RBFOX1: variants seen among roughly 807,000 people sequenced by gnomAD.
RBFOX1 encodes the protein RNA binding fox-1 homolog 1.
A neutral mutation model predicts 57.7 loss-of-function variants in RBFOX1; 8 were observed. The ratio of observed to expected loss-of-function variants is 0.14; its 90% CI spans 0.08 to 0.25. The LOEUF is 0.25. Among genes scored for constraint, RBFOX1 ranks in the 10% least tolerant of loss-of-function variants. The pLI, the probability that RBFOX1 is intolerant of heterozygous loss-of-function variation, is 1.00. For synonymous variants in RBFOX1, 326 were observed against 222.4 expected (o/e 1.47, Z -4.15); for missense variants, 611 against 548.5 (o/e 1.11, Z -1.14).
At chr16:7,103,554 A>G (rs1253046130) in intron 4 of RBFOX1, among the ~76,000 whole-genome samples, 2 of 152,152 alleles carry the variant, frequency 1.3e-5, no homozygotes, top group South Asian at 2.1e-4. Flanking sequence ...TATCAAATGT[A>G]TAGATAGATT....
At chr16:5,769,151 G>A (rs529981481) in intron 3 of RBFOX1, among the ~76,000 whole-genome samples, 6 of 152,176 alleles carry the variant, frequency 3.9e-5, no homozygotes, top group South Asian at 4.2e-4. Context: ...TAAACCTGAC[G>A]TTTTTTGATG....
chr16:7,052,431 CCTT>C (rs763687676), intron 4 of RBFOX1, among the ~76,000 whole-genome samples: 2 of 152,152 alleles, frequency 1.3e-5, no homozygotes, highest in Non-Finnish European at 2.9e-5. Flanking sequence ...TGGCTGGCTG[CCTT>C]CTTAATATGA....
chr16:7,042,234 A>G (rs990424611), intron 3 of RBFOX1, among the ~76,000 whole-genome samples: 1 of 152,230 alleles, frequency 6.6e-6, no homozygotes, highest in Admixed American at 6.5e-5. Context: ...TTGTCAGGGC[A>G]CAGTAGCTAA....
downstream of RBFOX1, among the ~76,000 whole-genome samples, chr16:5,604,530 G>A (rs908200963): frequency 2.6e-5 from 4 of 152,178 alleles, no homozygotes; most frequent in African/African-American, 9.7e-5. Context: ...TTTCCCGGGA[G>A]TGTCTCTCTA....
intron 2 of RBFOX1, among the ~76,000 whole-genome samples, chr16:6,335,830 A>T (rs1046387807): frequency 6.6e-6 from 1 of 150,698 alleles, no homozygotes; most frequent in African/African-American, 2.4e-5. Context: ...AAAATAAAAC[A>T]AAAAAATGGA....
At chr16:6,501,259 T>C (rs1192611374) in intron 2 of RBFOX1, among the ~76,000 whole-genome samples, 15 of 150,674 alleles carry the variant, frequency 1.0e-4, no homozygotes, top group African/African-American at 3.2e-4. Flanking sequence ...CATTTAGCAT[T>C]AGGTATATCT....
intron 2 of RBFOX1, among the ~76,000 whole-genome samples, chr16:6,463,693 A>C (rs575483754): frequency 6.6e-6 from 1 of 152,332 alleles, no homozygotes; most frequent in African/African-American, 2.4e-5. Flanking sequence ...TAGCTCTCTT[A>C]CAGCCATGTT....
chr16:6,749,535 C>G (rs955450012), intron 3 of RBFOX1, among the ~76,000 whole-genome samples: 3 of 152,140 alleles, frequency 2.0e-5, no homozygotes, highest in Non-Finnish European at 2.9e-5. Context: ...ACTAACCTGC[C>G]TTTGACTTCA....
intron 3 of RBFOX1, among the ~76,000 whole-genome samples, chr16:6,939,339 A>G (rs151068180): frequency 1.4e-3 from 219 of 152,062 alleles, no homozygotes; most frequent in African/African-American, 5.1e-3. Context: ...GTCACAAATA[A>G]TATATAAATT....
chr16:6,985,393 A>T (rs982851419), intron 3 of RBFOX1, among the ~76,000 whole-genome samples: 1 of 152,328 alleles, frequency 6.6e-6, no homozygotes, highest in South Asian at 2.1e-4. Context: ...GTATGGCTGG[A>T]CAAGGTGACT....
intron 3 of RBFOX1, among the ~76,000 whole-genome samples, chr16:5,773,354 G>A (rs2054041172): frequency 6.6e-6 from 1 of 152,190 alleles, no homozygotes; most frequent in South Asian, 2.1e-4. Flanking sequence ...GACTATGTCT[G>A]TGGCCATTCA....
At chr16:5,566,386 A>G (rs2046068247) in intron 2 of RBFOX1, among the ~76,000 whole-genome samples, 2 of 152,140 alleles carry the variant, frequency 1.3e-5, no homozygotes, top group African/African-American at 4.8e-5. Flanking sequence ...CGGTACATAG[A>G]GAATATTAAA....
chr16:5,950,854 G>C (rs9930357), intron 4 of RBFOX1, among the ~76,000 whole-genome samples: 1 of 152,042 alleles, frequency 6.6e-6, no homozygotes, highest in East Asian at 1.9e-4. Flanking sequence ...TGGTCCAAGT[G>C]CCAGGAGAGA....
At chr16:6,757,676 G>T (rs2076018464) in intron 3 of RBFOX1, among the ~76,000 whole-genome samples, 1 of 152,120 alleles carries the variant, frequency 6.6e-6, no homozygotes, top group South Asian at 2.1e-4. Flanking sequence ...AGGGGAGGCT[G>T]ATTAATAAGT....
chr16:7,269,428 T>C (rs1372617543), intron 4 of RBFOX1, among the ~76,000 whole-genome samples: 1 of 152,126 alleles, frequency 6.6e-6, no homozygotes, highest in African/African-American at 2.4e-5. Context: ...TTTCTCTTTT[T>C]GGGGTCTCTG....
At chr16:7,612,245 C>A (rs541618994) in intron 10 of RBFOX1, among the ~76,000 whole-genome samples, 1 of 142,898 alleles carries the variant, frequency 7.0e-6, no homozygotes, top group Non-Finnish European at 1.5e-5. Context: ...GGCATGAACC[C>A]GGGAGGCGGA....
At chr16:5,662,677 T>A (rs183425470) in intron 3 of RBFOX1, among the ~76,000 whole-genome samples, 10 of 152,268 alleles carry the variant, frequency 6.6e-5, no homozygotes, top group Admixed American at 6.5e-4. Flanking sequence ...TATGGAGAAT[T>A]GTGTGGAATT....
At chr16:6,231,344 T>C (rs547914732) in intron 1 of RBFOX1, among the ~76,000 whole-genome samples, 5 of 152,108 alleles carry the variant, frequency 3.3e-5, no homozygotes, top group Admixed American at 3.3e-4. Flanking sequence ...GGTTTCCGTG[T>C]TTAAATTCAG....
intron 3 of RBFOX1, among the ~76,000 whole-genome samples, chr16:6,754,773 A>G (rs1307268032): frequency 6.6e-6 from 1 of 152,054 alleles, no homozygotes; most frequent in Non-Finnish European, 1.5e-5. Context: ...TTACATATGT[A>G]TACATGTGCC....
Sources: allele counts gnomAD v4.1 joint callset (sites outside exome capture counted in the v4.1 genomes callset), GRCh38; gene constraint gnomAD v4.1.1; transcripts MANE v1.5; gene names NCBI Gene and HGNC (gene_info 2026-07-23, HGNC 2026-07-21).